Variants in TNIP3 observed in about 807,000 individuals in gnomAD.
TNIP3 encodes the protein TNFAIP3-interacting protein 3.
Under a neutral mutation model 54.1 loss-of-function variants are expected in TNIP3, and 34 were observed. The observed-to-expected ratio is 0.63, with a 90% CI of 0.48 to 0.84. TNIP3 has a LOEUF of 0.84. Ranked by LOEUF, TNIP3 falls within the 40% of genes least tolerant of loss-of-function variation. The pLI is 0.00. For synonymous variants in TNIP3, 134 were observed against 136.8 expected (o/e 0.98, Z 0.14); for missense variants, 366 against 387.6 (o/e 0.94, Z 0.47).
exon 1 of TNIP3, chr4:121,227,451 TG>T: frequency 7.0e-7 from 1 of 1,420,566 alleles, no homozygotes; most frequent in Admixed American, 2.1e-5. Flanking sequence ...TACGGAGACC[TG>T]TCTTTAAGAC....
In TNIP3 at chr4:121,161,218, T is replaced by TA; in HGVS notation, c.67-3_67-2insT. On this transcript the variant is annotated splice_polypyrimidine_tract_variant and splice_region_variant and intron_variant, in intron 1 of 10. Coordinates refer to ENST00000057513, the MANE Select transcript of TNIP3 (RefSeq NM_024873.6). ...CTTTCTTGTTGATGGTTCAGCACAC[T>TA]TAGAAAAAAAAAAAGAGAGAAGATT... 6.4e-7 allele frequency: 1 copy of TA among 1,555,566 alleles called. No homozygotes were observed. Among genetic ancestry groups the TA allele is most frequent in the African/African-American group, 1.4e-5 (1 of 72,120 alleles).
chr4:121,159,687 C>T (rs1579412119), intron 2 of TNIP3, among the ~76,000 whole-genome samples: 3 of 152,186 alleles, frequency 2.0e-5, no homozygotes, highest in South Asian at 2.1e-4. Flanking sequence ...ATTATAGTTT[C>T]GTCATAGGAC....
chr4:121,226,312 G>T (rs1246348012), intron 1 of TNIP3, among the ~76,000 whole-genome samples: 1 of 151,998 alleles, frequency 6.6e-6, no homozygotes, highest in Non-Finnish European at 1.5e-5. Flanking sequence ...AAATGAAAAG[G>T]CATAATGTTT....
At chr4:121,178,813 A>G (rs1724514033) in intron 3 of TNIP3, among the ~76,000 whole-genome samples, 1 of 152,172 alleles carries the variant, frequency 6.6e-6, no homozygotes, top group Admixed American at 6.5e-5. Context: ...TTTCTAGAAA[A>G]TTCTATGTTG....
In TNIP3 at chr4:121,158,637, C is replaced by T. The variant is rs200519963; in HGVS notation, c.213+50G>A. 6.9e-6 allele frequency: 10 copies of T among 1,446,972 alleles called. No homozygotes were observed. The Admixed American group carries it at 1.0e-4, about 15-fold the overall frequency. The allele number at this position is 1,446,972 out of a possible 1,614,324, so 89.6% of individuals were successfully genotyped here. A position where few individuals can be genotyped will look rare whatever the true frequency, so the allele number is the denominator to read the frequency against. On this transcript the variant is annotated intron_variant, in intron 3 of 10. Transcript: ENST00000057513. ...ATGAGACTCTTCACACAATTGGCCC[C>T]ACCAGGATAATGGCTTTAAAGAAAA...
chr4:121,157,214 G>A lies in TNIP3; in HGVS notation c.243C>T (p.Ala81=). Residue 81 remains alanine, a synonymous_variant, in exon 4 of 11, where the codon GCC becomes GCT. Coordinates refer to ENST00000057513, the MANE Select transcript of TNIP3 (RefSeq NM_024873.6). ...KVAELKTKLD[A]AERFLSTREK... ...CCCGCGTGCTGAGGAATCTTTCCGC[G>A]GCGTCCAGTTTCGTCTTCAGCTCTG... The A allele has an allele frequency of 1.2e-6, 2 of 1,614,044 alleles. No homozygotes were observed. The highest frequency in any genetic ancestry group is 1.7e-6 in the Non-Finnish European group (2 of 1,180,022).
At chr4:121,154,004 C>G (rs1729924807) in intron 5 of TNIP3, among the ~76,000 whole-genome samples, 1 of 151,856 alleles carries the variant, frequency 6.6e-6, no homozygotes, top group African/African-American at 2.4e-5. Context: ...TAAAACAACA[C>G]ACACACACAC....
intron 2 of TNIP3, among the ~76,000 whole-genome samples, chr4:121,203,258 T>TAGAA (rs1553936862): frequency 1.1e-4 from 16 of 150,998 alleles, no homozygotes; most frequent in African/African-American, 3.7e-4. Flanking sequence ...GATAGATAGA[T>TAGAA]AGAAAGATAC....
chr4:121,170,281 C>A (rs1327047094), intron 3 of TNIP3, among the ~76,000 whole-genome samples: 4 of 152,212 alleles, frequency 2.6e-5, no homozygotes, highest in African/African-American at 9.7e-5. Context: ...CTTCAAGGTA[C>A]AGAGTATTAC....
chr4:121,214,904 C>T (rs773496348), intron 2 of TNIP3, among the ~76,000 whole-genome samples: 19 of 152,076 alleles, frequency 1.2e-4, no homozygotes, highest in African/African-American at 4.3e-4. Flanking sequence ...CGAGTCTTTC[C>T]GTTGAGGTAG....
intron 3 of TNIP3, among the ~76,000 whole-genome samples, chr4:121,178,104 A>G (rs1724465765): frequency 6.6e-6 from 1 of 152,150 alleles, no homozygotes; most frequent in African/African-American, 2.4e-5. Context: ...GTCTTCAAAT[A>G]ACTCTGAGGT....
chr4:121,187,939 C>T (rs1725108865), intron 2 of TNIP3, among the ~76,000 whole-genome samples: 1 of 151,974 alleles, frequency 6.6e-6, no homozygotes, highest in South Asian at 2.1e-4. Flanking sequence ...TGTTTTCTTT[C>T]TTTCCTTTTT....
upstream of TNIP3, among the ~76,000 whole-genome samples, chr4:121,165,464 C>CTCTA (rs1730709636): frequency 6.6e-6 from 1 of 152,070 alleles, no homozygotes; most frequent in Non-Finnish European, 1.5e-5. Context: ...TCTTGACTTC[C>CTCTA]TCTAATCAGC....
chr4:121,153,094 A>G (rs1729860366), intron 5 of TNIP3, among the ~76,000 whole-genome samples: 1 of 152,250 alleles, frequency 6.6e-6, no homozygotes, highest in African/African-American at 2.4e-5. Context: ...TGACATTTGT[A>G]TAAAGATCTG....
intron 2 of TNIP3, among the ~76,000 whole-genome samples, chr4:121,212,553 A>C (rs1726528988): frequency 6.6e-6 from 1 of 152,200 alleles, no homozygotes; most frequent in South Asian, 2.1e-4. Flanking sequence ...TTATGAAAAA[A>C]ATTATGATTG....
intron 10 of TNIP3, chr4:121,137,562 G>C (rs897092973): frequency 5.9e-6 from 1 of 168,638 alleles, no homozygotes; most frequent in Non-Finnish European, 1.3e-5. Flanking sequence ...GTGTACAGCT[G>C]TCCAGATTGC....
At chr4:121,149,533 G>A (rs138845762) in intron 6 of TNIP3, among the ~76,000 whole-genome samples, 1,553 of 152,294 alleles carry the variant, frequency 0.01, 21 homozygotes, top group African/African-American at 0.036. Flanking sequence ...TTGGAAGGCC[G>A]AGGCAGGTGG....
At chr4:121,177,257 A>G (rs1235478756) in intron 3 of TNIP3, among the ~76,000 whole-genome samples, 1 of 152,192 alleles carries the variant, frequency 6.6e-6, no homozygotes, top group African/African-American at 2.4e-5. Context: ...TCATTTTGGA[A>G]TCTTAATATC....
In TNIP3 at chr4:121,205,846, T is replaced by C. The variant is rs538825982; in HGVS notation, c.68+10569A>G. Among the ~76,000 whole-genome samples, 9 of 152,142 alleles carry C rather than the reference T, an allele frequency of 5.9e-5. No individual in the cohort carries two copies. The South Asian group carries it at 1.9e-3, about 32-fold the overall frequency. On this transcript the variant is annotated intron_variant, in intron 2 of 12. Coordinates refer to the TNIP3 transcript ENST00000507879. Reference sequence around the variant, plus strand: ...TGAAGAAATACCTGAGACTGGGTAATTTACAAAGGAAAGAGGTTTAATTGA... The same window carrying C: ...TGAAGAAATACCTGAGACTGGGTAACTTACAAAGGAAAGAGGTTTAATTGA...
Sources: gnomAD v4.1 joint callset for allele counts (sites outside exome capture counted in the v4.1 genomes callset) on GRCh38, gnomAD v4.1.1 for gene constraint, MANE v1.5 for transcripts, NCBI Gene and HGNC (gene_info 2026-07-23, HGNC 2026-07-21) for gene names.